Variants in MAPK4 observed in about 807,000 individuals in gnomAD.
MAPK4 encodes Erk3-related.
In MAPK4, 22 loss-of-function variants were observed where a neutral mutation model predicts 47.7. That is an observed-to-expected ratio of 0.46 (90% confidence interval 0.33 to 0.66). The LOEUF (loss-of-function observed/expected upper bound fraction) is 0.66. MAPK4 is among the 30% of genes least tolerant of loss of function. MAPK4 has a pLI of 0.02. For missense variants in MAPK4, 736 were observed against 831.7 expected, an observed-to-expected ratio of 0.88 and a Z score of 1.42; for synonymous variants, 390 against 365.7, an observed-to-expected ratio of 1.07 and a Z score of -0.76.
At chr18:50,687,831 T>C (rs1352011067) in intron 2 of MAPK4, among the ~76,000 whole-genome samples, 1 of 152,092 alleles carries the variant, frequency 6.6e-6, no homozygotes, top group Non-Finnish European at 1.5e-5. Flanking sequence ...TAGAATGCCG[T>C]CAGCTGCTCC....
intron 1 of MAPK4, among the ~76,000 whole-genome samples, chr18:50,579,520 G>C (rs1270327294): frequency 6.6e-6 from 1 of 152,166 alleles, no homozygotes; most frequent in South Asian, 2.1e-4. Context: ...GTCTAGATGA[G>C]TTTGGGGAGG....
At chr18:50,676,577 G>T (rs528409162) in intron 2 of MAPK4, among the ~76,000 whole-genome samples, 1 of 152,316 alleles carries the variant, frequency 6.6e-6, no homozygotes, top group Non-Finnish European at 1.5e-5. Context: ...TGACATTCAA[G>T]CTGCATGACC....
chr18:50,653,540 T>C (rs2043074906), intron 1 of MAPK4, among the ~76,000 whole-genome samples: 1 of 152,224 alleles, frequency 6.6e-6, no homozygotes, highest in South Asian at 2.1e-4. Flanking sequence ...ATGACAGAGT[T>C]CACTGGTGTT....
intron 2 of MAPK4, among the ~76,000 whole-genome samples, chr18:50,676,145 C>T (rs539237595): frequency 2.9e-4 from 44 of 152,312 alleles, no homozygotes; most frequent in South Asian, 6.2e-4. Context: ...AGCCCAAGTA[C>T]AGGACTTTCT....
chr18:50,588,804 C>T (rs908336029), intron 1 of MAPK4, among the ~76,000 whole-genome samples: 2 of 152,172 alleles, frequency 1.3e-5, no homozygotes, highest in East Asian at 1.9e-4. Flanking sequence ...GATCCACCTG[C>T]TTCAGCCTCC....
At chr18:50,695,538 G>T (rs940587330) in intron 2 of MAPK4, among the ~76,000 whole-genome samples, 1 of 152,004 alleles carries the variant, frequency 6.6e-6, no homozygotes, top group Non-Finnish European at 1.5e-5. Context: ...AGGACAGGGC[G>T]CTTGACGTGA....
intron 3 of MAPK4, among the ~76,000 whole-genome samples, chr18:50,719,427 G>A (rs1910814364): frequency 6.6e-6 from 1 of 152,094 alleles, no homozygotes; most frequent in Non-Finnish European, 1.5e-5. Context: ...TTTTCCAACT[G>A]AAATTGCACA....
rs764772500 is a variant in MAPK4 at position 50,729,282 on chromosome 18, C to T, written c.1192C>T (p.Arg398Cys). ...GGCTGAGGACGTGCAGGTGGACCCG[C>T]GCAAGGACTCGCACAGCAGCTCCGA... Reference protein sequence around the residue: ...PLAEDVQVDPRKDSHSSSERF... With the variant: ...PLAEDVQVDPCKDSHSSSERF... The change falls in exon 6 of 6, where the codon CGC becomes TGC. Residue 398 changes from arginine to cysteine, a missense_variant. Physicochemically the swap from Arg to Cys is radical, Grantham distance 180. Around this residue, in one of 3 missense-constraint regions of MAPK4, gnomAD observed 377 missense variants for 378.6 expected, o/e 1.00. Coordinates refer to ENST00000400384, the MANE Select transcript of MAPK4 (RefSeq NM_002747.4). 2 of 1,609,108 alleles carry T rather than the reference C, an allele frequency of 1.2e-6. No individual in the cohort carries two copies. Among genetic ancestry groups the T allele is most frequent in the East Asian group, 4.5e-5 (2 of 44,778 alleles).
At chr18:50,602,702 T>C (rs1354334475) in intron 1 of MAPK4, among the ~76,000 whole-genome samples, 1 of 152,196 alleles carries the variant, frequency 6.6e-6, no homozygotes, top group Non-Finnish European at 1.5e-5. Flanking sequence ...TGAATTTTCA[T>C]TGGTGTGACG....
intron 1 of MAPK4, 129 bp downstream of exon 1, chr18:50,560,372 A>G (rs1240566557): frequency 6.6e-6 from 1 of 151,682 alleles, no homozygotes; most frequent in African/African-American, 2.4e-5. Context: ...TACCCTAACA[A>G]TAAGCCCCCC....
At chr18:50,602,572 G>A (rs891496405) in intron 1 of MAPK4, among the ~76,000 whole-genome samples, 8 of 152,186 alleles carry the variant, frequency 5.3e-5, no homozygotes, top group South Asian at 2.1e-4. Context: ...AGGGGTAAGC[G>A]CTTAGCATTT....
At chr18:50,696,191 G>A (rs1176615609) in intron 2 of MAPK4, among the ~76,000 whole-genome samples, 1 of 152,050 alleles carries the variant, frequency 6.6e-6, no homozygotes, top group Non-Finnish European at 1.5e-5. Flanking sequence ...CACCAGCGGA[G>A]CCAGGACATC....
At chr18:50,674,588 A>T (rs889983615) in intron 2 of MAPK4, among the ~76,000 whole-genome samples, 1 of 152,120 alleles carries the variant, frequency 6.6e-6, no homozygotes. Context: ...CTCTGGTCCC[A>T]CACACTGTTC....
intron 2 of MAPK4, among the ~76,000 whole-genome samples, chr18:50,671,627 C>T (rs1168064396): frequency 6.9e-6 from 1 of 144,904 alleles, no homozygotes; most frequent in African/African-American, 2.6e-5. Context: ...TGCAGTGGCT[C>T]ATGCCTACAG....
chr18:50,725,684 G>A (rs1911153305), intron 4 of MAPK4, among the ~76,000 whole-genome samples: 1 of 152,146 alleles, frequency 6.6e-6, no homozygotes. Flanking sequence ...CCTTGTCTCT[G>A]GTTCTGTCTC....
intron 3 of MAPK4, among the ~76,000 whole-genome samples, chr18:50,718,700 GTATTTAA>G (rs1910766004): frequency 6.6e-6 from 1 of 152,090 alleles, no homozygotes; most frequent in African/African-American, 2.4e-5. Context: ...CTTCCAGTAA[GTATTTAA>G]AATACATGCT....
intron 2 of MAPK4, among the ~76,000 whole-genome samples, chr18:50,703,956 G>A (rs1909920453): frequency 6.6e-6 from 1 of 152,192 alleles, no homozygotes; most frequent in South Asian, 2.1e-4. Context: ...TCAAGTTCAG[G>A]AGGAGCAGGG....
chr18:50,668,135 C>T (rs1454768562), intron 2 of MAPK4, among the ~76,000 whole-genome samples: 1 of 152,218 alleles, frequency 6.6e-6, no homozygotes, highest in African/African-American at 2.4e-5. Context: ...TTATGAAGGA[C>T]ATTTTCAAGG....
chr18:50,671,273 G>C lies in MAPK4; in HGVS notation c.546+6769G>C, dbSNP rs117540197. Among the ~76,000 whole-genome samples, 294 of 152,282 alleles carry C rather than the reference G, an allele frequency of 1.9e-3. 3 individuals are homozygous for C. The highest frequency in any genetic ancestry group is 9.8e-4 in the Non-Finnish European group (67 of 68,030). On this transcript the variant is annotated intron_variant, in intron 2 of 5. Transcript: ENST00000400384. Reference sequence around the variant, plus strand: ...GTTTACTGGAAAGCTACACACACCAGGGACCTAAACCCATAGGAGGACTGT... The same window carrying C: ...GTTTACTGGAAAGCTACACACACCACGGACCTAAACCCATAGGAGGACTGT...
Sources: allele counts gnomAD v4.1 joint callset (sites outside exome capture counted in the v4.1 genomes callset), GRCh38; gene constraint gnomAD v4.1.1; regional missense constraint gnomAD v4.1.1; transcripts MANE v1.5; gene names NCBI Gene and HGNC (gene_info 2026-07-23, HGNC 2026-07-21).